Variants in SYN2 observed in about 807,000 individuals in gnomAD.
The protein encoded by SYN2 is synapsin II.
Under a neutral mutation model 50.9 loss-of-function variants are expected in SYN2, and 19 were observed. That is an observed-to-expected ratio of 0.37 (90% CI 0.26 to 0.55). The LOEUF (loss-of-function observed/expected upper bound fraction) is 0.55, where lower values mean the gene tolerates loss of function less well. Among genes scored for constraint, SYN2 ranks in the 20% least tolerant of loss-of-function variants. The pLI is 0.81. For missense variants in SYN2, 587 were observed against 576.4 expected (o/e 1.02, Z -0.19); for synonymous variants, 255 against 224.9 (o/e 1.13, Z -1.20).
At chr3:12,115,886 C>A (rs1428128938) in intron 1 of SYN2, among the ~76,000 whole-genome samples, 1 of 152,068 alleles carries the variant, frequency 6.6e-6, no homozygotes, top group Non-Finnish European at 1.5e-5. Flanking sequence ...CTCTGTACAC[C>A]CATCTCCTAG....
At chr3:12,171,377 G>A (rs75659266) in intron 10 of SYN2, among the ~76,000 whole-genome samples, 6,472 of 152,216 alleles carry the variant, frequency 0.043, 193 homozygotes, top group Middle Eastern at 0.11. Context: ...TAGATTATGA[G>A]AGAGAATCTG....
intron 1 of SYN2, among the ~76,000 whole-genome samples, chr3:12,074,459 T>C (rs1695428390): frequency 6.6e-6 from 1 of 152,172 alleles, no homozygotes; most frequent in Non-Finnish European, 1.5e-5. Flanking sequence ...TTGGAAGTTA[T>C]ATATTCTGTT....
At chr3:12,158,191 G>A (rs1460730441) in intron 5 of SYN2, among the ~76,000 whole-genome samples, 1 of 152,216 alleles carries the variant, frequency 6.6e-6, no homozygotes, top group African/African-American at 2.4e-5. Context: ...AGAGACCTAA[G>A]TTAGCCCTTG....
At chr3:12,159,751 C>G (rs573437861) in intron 5 of SYN2, among the ~76,000 whole-genome samples, 24 of 152,256 alleles carry the variant, frequency 1.6e-4, no homozygotes, top group African/African-American at 5.8e-4. Context: ...GCTTAGAAAA[C>G]AAAGAAGCAG....
chr3:12,068,808 A>G (rs1030214592), intron 1 of SYN2, among the ~76,000 whole-genome samples: 3 of 152,076 alleles, frequency 2.0e-5, no homozygotes, highest in Non-Finnish European at 2.9e-5. Flanking sequence ...GTGCAATCCA[A>G]TGGTTTTTAG....
chr3:12,178,960 C>A (rs1698155885), intron 10 of SYN2, among the ~76,000 whole-genome samples: 1 of 152,240 alleles, frequency 6.6e-6, no homozygotes, highest in African/African-American at 2.4e-5. Flanking sequence ...GCACCATGCC[C>A]TTTTGGTGCT....
At chr3:12,186,067 G>T (rs556378121) in intron 11 of SYN2, among the ~76,000 whole-genome samples, 2 of 152,210 alleles carry the variant, frequency 1.3e-5, no homozygotes, top group Non-Finnish European at 2.9e-5. Context: ...GAACTGAGCG[G>T]ATAGTCATGG....
intron 1 of SYN2, among the ~76,000 whole-genome samples, chr3:12,016,139 G>A (rs1190490576): frequency 2.0e-5 from 3 of 152,094 alleles, no homozygotes; most frequent in Non-Finnish European, 1.5e-5. Flanking sequence ...ACCTTGTAAT[G>A]CAACTGTAGC....
In SYN2 at chr3:12,124,362, G is replaced by T. The variant is rs575486033; in HGVS notation, c.378-16289G>T. ...TACTAAAACTAGGGAGGAGAGTAGA[G>T]CTACTGATTAAAGTTATGTTTAGGT... is the stretch of plus-strand genomic sequence containing the variant. On this transcript the variant is annotated intron_variant, in intron 1 of 12. Transcript: ENST00000621198. Among the ~76,000 whole-genome samples the T allele has an allele frequency of 1.1e-3, 164 of 152,264 alleles. 1 individual carries two copies. The highest frequency in any genetic ancestry group is 2.0e-3 in the Non-Finnish European group (134 of 68,014).
intron 1 of SYN2, among the ~76,000 whole-genome samples, chr3:12,044,179 T>TCACA (rs1436934204): frequency 1.1e-4 from 7 of 60,974 alleles, no homozygotes; most frequent in South Asian, 1.2e-3. Context: ...TCTCTCTCTC[T>TCACA]CTCACACACA....
chr3:12,095,705 A>G (rs1258655883), intron 1 of SYN2, among the ~76,000 whole-genome samples: 2 of 148,366 alleles, frequency 1.3e-5, no homozygotes, highest in Non-Finnish European at 3.0e-5. Flanking sequence ...GCTCTTTTTT[A>G]GTATCTTTTC....
At chr3:12,035,790 C>G (rs1393020162) in intron 1 of SYN2, among the ~76,000 whole-genome samples, 12 of 152,142 alleles carry the variant, frequency 7.9e-5, no homozygotes, top group African/African-American at 2.7e-4. Context: ...CTCCAGGCCT[C>G]TCAGCAAGAA....
intron 10 of SYN2, among the ~76,000 whole-genome samples, chr3:12,171,963 A>G (rs1697947134): frequency 6.6e-6 from 1 of 152,248 alleles, no homozygotes; most frequent in African/African-American, 2.4e-5. Flanking sequence ...ACAATGTGTC[A>G]GAGTCAAGGC....
chr3:12,179,397 A>G lies in SYN2; in HGVS notation c.1309-3915A>G, dbSNP rs13100031. Among the ~76,000 whole-genome samples the G allele has an allele frequency of 1.5e-4, 20 of 130,260 alleles. No individual in the cohort carries two copies. The South Asian group carries it at 5.3e-3, about 35-fold the overall frequency. 85.5% of individuals were successfully genotyped at this position (130,260 alleles called of 152,430 possible). A position where few individuals can be genotyped will look rare whatever the true frequency, so the allele number is the denominator to read the frequency against. ...AAGAAAAAAAAAAAAAAAAAAAAAA[A>G]GCATAAACGAATTCATGGAAGCCTA... On this transcript the variant is annotated intron_variant, in intron 10 of 12. Transcript: ENST00000621198.
At chr3:12,064,464 G>A (rs1695169982) in intron 1 of SYN2, among the ~76,000 whole-genome samples, 1 of 151,996 alleles carries the variant, frequency 6.6e-6, no homozygotes, top group Admixed American at 6.6e-5. Context: ...CACAGAATCG[G>A]GGGGAAAGTA....
chr3:12,099,897 G>A lies in SYN2; in HGVS notation c.378-40754G>A, dbSNP rs371672774. ...GGAGAATGGCGTGAACCCGGGAGGC[G>A]GAGCTTGCAGTGAGCCGAGATCGCA... On this transcript the variant is annotated intron_variant, in intron 1 of 12. Transcript: ENST00000621198. 1.4e-4 allele frequency among the ~76,000 whole-genome samples: 21 copies of A among 146,620 alleles called. No individual in the cohort carries two copies. In the East Asian group the frequency reaches 2.2e-3, roughly 15 times the overall value.
At chr3:12,145,859 A>G in intron 4 of SYN2, 24 bp downstream of exon 4, 1 of 1,612,832 alleles carries the variant, frequency 6.2e-7, no homozygotes, top group Non-Finnish European at 8.5e-7. Context: ...CCTTCCCCCA[A>G]GTAAAAGGGT....
In SYN2 at chr3:12,185,321, A is replaced by G. The variant is rs539782851; in HGVS notation, c.1369+1949A>G. Reference sequence around the variant, plus strand: ...CGGTGGTATTGCTTCTCTGCATGTTATCAGTGTGTACATCTGGTGCTTTTC... The same window carrying G: ...CGGTGGTATTGCTTCTCTGCATGTTGTCAGTGTGTACATCTGGTGCTTTTC... On this transcript the variant is annotated intron_variant, in intron 11 of 12. Coordinates refer to ENST00000621198, the MANE Select transcript of SYN2 (RefSeq NM_133625.6). 1.7e-4 allele frequency: 166 copies of G among 985,714 alleles called. No individual in the cohort carries two copies. In the African/African-American group the frequency reaches 2.7e-3, roughly 16 times the overall value. 61.1% of individuals were successfully genotyped at this position (985,714 alleles called of 1,614,324 possible). A position where few individuals can be genotyped will look rare whatever the true frequency, so the allele number is the denominator to read the frequency against.
chr3:12,160,254 C>T (rs1574872481), intron 5 of SYN2, among the ~76,000 whole-genome samples: 1 of 152,102 alleles, frequency 6.6e-6, no homozygotes, highest in Middle Eastern at 3.4e-3. Flanking sequence ...GTCACTGTAG[C>T]TTTGTGACTT....
Sources: gnomAD v4.1 joint callset for allele counts (sites outside exome capture counted in the v4.1 genomes callset) on GRCh38, gnomAD v4.1.1 for gene constraint, MANE v1.5 for transcripts, NCBI Gene and HGNC (gene_info 2026-07-23, HGNC 2026-07-21) for gene names.